The following MAP7 variants were observed in gnomAD, a reference collection of about 807,000 sequenced individuals.
MAP7 encodes ensconsin.
A neutral mutation model predicts 94.8 loss-of-function variants in MAP7; 52 were observed. The observed-to-expected ratio is 0.55, with a 90% CI of 0.44 to 0.69. The LOEUF (loss-of-function observed/expected upper bound fraction) is 0.69, where lower values mean the gene tolerates loss of function less well. Ranked by LOEUF, MAP7 falls within the 30% of genes least tolerant of loss-of-function variation. MAP7 has a pLI of 0.00. For missense variants in MAP7, 940 were observed against 964.6 expected, an observed-to-expected ratio of 0.97 and a Z score of 0.34; for synonymous variants, 350 against 357.0, an observed-to-expected ratio of 0.98 and a Z score of 0.22.
At chr6:136,403,242 T>A (rs1280411935) in intron 3 of MAP7, among the ~76,000 whole-genome samples, 1 of 152,230 alleles carries the variant, frequency 6.6e-6, no homozygotes, top group African/African-American at 2.4e-5. Flanking sequence ...TGGAATCATA[T>A]GACCTGCCAT....
At chr6:136,363,231 T>C (rs1031062724) in intron 10 of MAP7, among the ~76,000 whole-genome samples, 2 of 152,218 alleles carry the variant, frequency 1.3e-5, no homozygotes, top group African/African-American at 4.8e-5. Context: ...GGGGCCTCTT[T>C]GGGAGCTGGT....
chr6:136,417,848 C>T (rs957735318), intron 2 of MAP7, among the ~76,000 whole-genome samples: 1 of 152,174 alleles, frequency 6.6e-6, no homozygotes, highest in African/African-American at 2.4e-5. Flanking sequence ...TACTTATAAA[C>T]AGTAAGGCAG....
intron 2 of MAP7, among the ~76,000 whole-genome samples, chr6:136,420,638 A>G (rs1216206168): frequency 3.3e-5 from 5 of 152,206 alleles, no homozygotes; most frequent in African/African-American, 9.7e-5. Context: ...AAATGACTCA[A>G]TGAAAAGGCA....
intron 1 of MAP7, among the ~76,000 whole-genome samples, chr6:136,477,091 A>T (rs1583022815): frequency 6.6e-6 from 1 of 152,230 alleles, no homozygotes; most frequent in South Asian, 2.1e-4. Flanking sequence ...GATACTTACT[A>T]ACTGAAAAGG....
intron 1 of MAP7, among the ~76,000 whole-genome samples, chr6:136,507,793 G>A (rs1443522431): frequency 1.3e-5 from 2 of 152,186 alleles, no homozygotes; most frequent in Non-Finnish European, 2.9e-5. Context: ...GATAAAGCAA[G>A]TGAGGCACAG....
At chr6:136,468,256 G>A (rs1691810134) in intron 1 of MAP7, among the ~76,000 whole-genome samples, 1 of 151,924 alleles carries the variant, frequency 6.6e-6, no homozygotes, top group East Asian at 1.9e-4. Flanking sequence ...ATAATTCTTT[G>A]TTGTGGGTGG....
intron 1 of MAP7, among the ~76,000 whole-genome samples, chr6:136,535,901 C>T (rs1828845358): frequency 6.6e-6 from 1 of 151,996 alleles, no homozygotes; most frequent in African/African-American, 2.4e-5. Context: ...CCCCGCTCCC[C>T]CCACCCCACG....
intron 3 of MAP7, among the ~76,000 whole-genome samples, chr6:136,409,784 T>A (rs1377844969): frequency 6.6e-6 from 1 of 152,248 alleles, no homozygotes; most frequent in East Asian, 1.9e-4. Flanking sequence ...AGACTACACC[T>A]AGCCCTAGAG....
chr6:136,360,014 C>T lies in MAP7; in HGVS notation c.1821G>A (p.Met607Ile), dbSNP rs1161015530. 1.2e-6 allele frequency: 2 copies of T among 1,613,034 alleles called. No homozygotes were observed. The highest frequency in any genetic ancestry group is 2.2e-5 in the South Asian group (2 of 90,686). Residue 607 changes from methionine to isoleucine, a missense_variant, in exon 14 of 18, where the codon ATG becomes ATA. Coordinates refer to ENST00000354570, the MANE Select transcript of MAP7 (RefSeq NM_003980.6). ...LERKKRLEEI[M>I]KRTRRTEATD... is the part of the protein sequence containing the mutation. ...TAGCTTCTGTTCTCCTGGTTCTTTT[C>T]ATAATCTCCTCAAGTCGCTATAGGA...
At chr6:136,346,401 A>G (rs1162485330) in intron 16 of MAP7, among the ~76,000 whole-genome samples, 3 of 152,094 alleles carry the variant, frequency 2.0e-5, no homozygotes, top group Non-Finnish European at 2.9e-5. Context: ...CCGTCTCTAC[A>G]AAAGAAAAAA....
chr6:136,451,362 C>T (rs1243341118), intron 1 of MAP7, among the ~76,000 whole-genome samples: 1 of 152,198 alleles, frequency 6.6e-6, no homozygotes, highest in Non-Finnish European at 1.5e-5. Flanking sequence ...GCCTGGATGA[C>T]AGCACATCTG....
chr6:136,533,654 C>T (rs892491469), intron 1 of MAP7, among the ~76,000 whole-genome samples: 1 of 152,134 alleles, frequency 6.6e-6, no homozygotes, highest in Admixed American at 6.5e-5. Flanking sequence ...CTGGTATTTG[C>T]TTCTGTTGAG....
At chr6:136,422,193 A>C (rs1791588853) in intron 1 of MAP7, among the ~76,000 whole-genome samples, 1 of 152,244 alleles carries the variant, frequency 6.6e-6, no homozygotes, top group Non-Finnish European at 1.5e-5. Flanking sequence ...TGGTATATTC[A>C]ACATCATTTA....
intron 1 of MAP7, chr6:136,526,326 A>G (rs1403296474): frequency 9.9e-7 from 1 of 1,008,078 alleles, no homozygotes; most frequent in East Asian, 1.0e-4. Flanking sequence ...CCTACTACAG[A>G]CACGCAGGGT....
At chr6:136,418,182 C>T (rs965961074) in intron 2 of MAP7, among the ~76,000 whole-genome samples, 2 of 152,124 alleles carry the variant, frequency 1.3e-5, no homozygotes, top group African/African-American at 2.4e-5. Flanking sequence ...AGTTCTAAAA[C>T]ACCACGAGGG....
At chr6:136,410,730 T>C (rs1787181653) in intron 3 of MAP7, among the ~76,000 whole-genome samples, 1 of 152,210 alleles carries the variant, frequency 6.6e-6, no homozygotes, top group Non-Finnish European at 1.5e-5. Flanking sequence ...TTCACAAATT[T>C]GGGCTTTGGA....
intron 1 of MAP7, among the ~76,000 whole-genome samples, chr6:136,440,673 A>C (rs1411676040): frequency 6.6e-6 from 1 of 152,202 alleles, no homozygotes; most frequent in Non-Finnish European, 1.5e-5. Context: ...TTGTAATTTT[A>C]GAAGATGAAA....
intron 1 of MAP7, among the ~76,000 whole-genome samples, chr6:136,496,288 T>C (rs1215300412): frequency 1.3e-5 from 2 of 152,222 alleles, no homozygotes; most frequent in Non-Finnish European, 2.9e-5. Context: ...AGAGAAGCCT[T>C]AGTTGTCACA....
intron 1 of MAP7, among the ~76,000 whole-genome samples, chr6:136,440,133 G>A (rs901241203): frequency 3.3e-5 from 5 of 152,200 alleles, no homozygotes; most frequent in African/African-American, 1.2e-4. Context: ...TCACAGACAA[G>A]TACAATGACA....
Sources: gnomAD v4.1 joint callset for allele counts (sites outside exome capture counted in the v4.1 genomes callset) on GRCh38, gnomAD v4.1.1 for gene constraint, MANE v1.5 for transcripts, NCBI Gene and HGNC (gene_info 2026-07-23, HGNC 2026-07-21) for gene names.